OLFM3: variants seen among roughly 807,000 people sequenced by gnomAD.
OLFM3 encodes olfactomedin 3.
A neutral mutation model predicts 48.6 loss-of-function variants in OLFM3; 20 were observed. The observed-to-expected ratio is 0.41, with a 90% CI of 0.29 to 0.60. The LOEUF is 0.60. OLFM3 is among the 20% of genes least tolerant of loss of function. OLFM3 has a pLI of 0.28. For synonymous variants in OLFM3, 222 were observed against 198.1 expected, an observed-to-expected ratio of 1.12 and a Z score of -1.01; for missense variants, 437 against 544.3, an observed-to-expected ratio of 0.80 and a Z score of 1.96.
At chr1:101,963,377 G>C (rs948139423) in intron 1 of OLFM3, among the ~76,000 whole-genome samples, 2 of 152,100 alleles carry the variant, frequency 1.3e-5, no homozygotes, top group African/African-American at 4.8e-5. Flanking sequence ...AGTAAACTTT[G>C]ACTGGGTCCA....
At chr1:101,874,211 T>C (rs986431075) in intron 1 of OLFM3, among the ~76,000 whole-genome samples, 3 of 151,908 alleles carry the variant, frequency 2.0e-5, no homozygotes, top group East Asian at 1.9e-4. Context: ...TTTTCAAAGA[T>C]TGATTATATT....
intron 1 of OLFM3, among the ~76,000 whole-genome samples, chr1:101,937,054 A>G (rs1255566580): frequency 6.6e-6 from 1 of 152,172 alleles, no homozygotes; most frequent in Non-Finnish European, 1.5e-5. Flanking sequence ...ATAGGCCCTG[A>G]CAAAGATTTC....
At chr1:101,817,337 A>G (rs906963318) in intron 4 of OLFM3, among the ~76,000 whole-genome samples, 43 of 152,310 alleles carry the variant, frequency 2.8e-4, no homozygotes, top group African/African-American at 1.0e-3. Flanking sequence ...TAAGATATGA[A>G]AACATTAGCA....
At chr1:101,888,676 T>C (rs935824016) in intron 1 of OLFM3, among the ~76,000 whole-genome samples, 1 of 152,168 alleles carries the variant, frequency 6.6e-6, no homozygotes, top group African/African-American at 2.4e-5. Flanking sequence ...AAAGAGCTTC[T>C]GCACAGCAAA....
At chr1:101,933,396 A>G (rs973335320) in intron 1 of OLFM3, among the ~76,000 whole-genome samples, 4 of 151,930 alleles carry the variant, frequency 2.6e-5, no homozygotes, top group Non-Finnish European at 5.9e-5. Context: ...AAAATAACTC[A>G]GTTAGACAAA....
intron 1 of OLFM3, among the ~76,000 whole-genome samples, chr1:101,948,384 A>G (rs968002461): frequency 6.6e-6 from 1 of 152,182 alleles, no homozygotes; most frequent in African/African-American, 2.4e-5. Flanking sequence ...CAAATCAATT[A>G]TCAGAGAAGA....
At chr1:101,838,215 T>C (rs1461932044) in intron 1 of OLFM3, among the ~76,000 whole-genome samples, 1 of 152,036 alleles carries the variant, frequency 6.6e-6, no homozygotes, top group African/African-American at 2.4e-5. Flanking sequence ...TGTGTCACCA[T>C]GTCTGGCTAA....
At chr1:101,986,832 G>C (rs1308003346) in intron 1 of OLFM3, among the ~76,000 whole-genome samples, 5 of 152,148 alleles carry the variant, frequency 3.3e-5, no homozygotes, top group African/African-American at 4.8e-5. Context: ...AGGGTAACTA[G>C]GTCTCATATT....
rs111500543 is a variant in OLFM3 at position 101,860,119 on chromosome 1, G to A, written c.70-23094C>T. Among the ~76,000 whole-genome samples, 149 of 152,150 alleles carry A rather than the reference G, an allele frequency of 9.8e-4. 2 individuals carry two copies. Among genetic ancestry groups the A allele is most frequent in the Middle Eastern group, 3.4e-3 (1 of 294 alleles). ...TGGGGTTGCGGGAAAGGCCAGCTAT[G>A]TAAGAGAAGTGTGAGTGAGGATTGC... On this transcript the variant is annotated intron_variant, in intron 1 of 5. Coordinates refer to ENST00000370103, the MANE Select transcript of OLFM3 (RefSeq NM_058170.4).
chr1:101,958,830 T>G lies in OLFM3; in HGVS notation c.69+37918A>C, dbSNP rs77536768. ...TTGTATGTTCTTATGGTATACAAAG[T>G]GATATTATATATATATATATATATA... is the stretch of plus-strand genomic sequence containing the variant. On this transcript the variant is annotated intron_variant, in intron 1 of 5. Coordinates refer to ENST00000370103, the MANE Select transcript of OLFM3 (RefSeq NM_058170.4). Among the ~76,000 whole-genome samples, 432 of 68,994 alleles carry G rather than the reference T, an allele frequency of 6.3e-3. 3 individuals carry two copies. Among genetic ancestry groups the G allele is most frequent in the African/African-American group, 0.019 (415 of 21,454 alleles). 45.3% of individuals were successfully genotyped at this position (68,994 alleles called of 152,430 possible).
At chr1:101,840,247 T>G (rs1655649374) in intron 1 of OLFM3, among the ~76,000 whole-genome samples, 1 of 152,214 alleles carries the variant, frequency 6.6e-6, no homozygotes. Flanking sequence ...GGAGTTCTAT[T>G]CATTACCTGG....
rs149097262 is a variant in OLFM3, at chr1:101,855,668, T to C, written c.70-18643A>G. On this transcript the variant is annotated intron_variant, in intron 1 of 5. Coordinates refer to ENST00000370103, the MANE Select transcript of OLFM3 (RefSeq NM_058170.4). ...GAGCAAAGCTCTCACCAGGGAGGCA[T>C]TGACACTCAGGTAAGGGCTTGGTCC... 1.1e-4 allele frequency among the ~76,000 whole-genome samples: 16 copies of C among 152,212 alleles called. No individual in the cohort carries two copies. In the East Asian group the frequency reaches 1.4e-3, roughly 13 times the overall value.
chr1:101,967,542 C>A (rs1660648187), intron 1 of OLFM3, among the ~76,000 whole-genome samples: 1 of 129,764 alleles, frequency 7.7e-6, no homozygotes, highest in Admixed American at 9.6e-5. Flanking sequence ...TTTTGGGATC[C>A]AAGGTGACTG....
intron 1 of OLFM3, among the ~76,000 whole-genome samples, chr1:101,916,645 T>A (rs1352552502): frequency 6.6e-6 from 1 of 152,212 alleles, no homozygotes; most frequent in African/African-American, 2.4e-5. Context: ...TATTTTAATC[T>A]CACTTTGCAA....
chr1:101,991,022 T>A (rs201939731), intron 1 of OLFM3, among the ~76,000 whole-genome samples: 3,839 of 70,806 alleles, frequency 0.054, 102 homozygotes, highest in Non-Finnish European at 0.081. Flanking sequence ...AAAAAATATA[T>A]ATATATATAT....
intron 1 of OLFM3, among the ~76,000 whole-genome samples, chr1:101,842,301 G>A (rs1280113796): frequency 6.6e-6 from 1 of 152,048 alleles, no homozygotes; most frequent in Non-Finnish European, 1.5e-5. Context: ...TGGGAGGCTG[G>A]GGCAGGTGGA....
At chr1:101,984,701 C>T (rs916779035) in intron 1 of OLFM3, among the ~76,000 whole-genome samples, 4 of 152,128 alleles carry the variant, frequency 2.6e-5, no homozygotes, top group Non-Finnish European at 2.9e-5. Flanking sequence ...TGGCCGGCTG[C>T]AATTTTTCAT....
At chr1:101,912,732 T>G (rs1241465445) in intron 1 of OLFM3, among the ~76,000 whole-genome samples, 1 of 152,196 alleles carries the variant, frequency 6.6e-6, no homozygotes, top group African/African-American at 2.4e-5. Context: ...ACCTACAATC[T>G]CTTATGATAT....
chr1:101,894,371 A>G (rs1206046334), intron 1 of OLFM3, among the ~76,000 whole-genome samples: 2 of 152,152 alleles, frequency 1.3e-5, no homozygotes, highest in Non-Finnish European at 1.5e-5. Flanking sequence ...ATTGCTGATT[A>G]TTATCTGATA....
Sources: allele counts gnomAD v4.1 joint callset (sites outside exome capture counted in the v4.1 genomes callset), GRCh38; gene constraint gnomAD v4.1.1; transcripts MANE v1.5; gene names NCBI Gene and HGNC (gene_info 2026-07-23, HGNC 2026-07-21).